The following AGBL4 variants were observed in gnomAD, a reference collection of about 807,000 sequenced individuals.
AGBL4 encodes the protein cytosolic carboxypeptidase 6.
A neutral mutation model predicts 66.4 loss-of-function variants in AGBL4; 58 were observed. The observed-to-expected ratio is 0.87, with a 90% confidence interval of 0.71 to 1.09. The LOEUF is 1.09. Among genes scored for constraint, AGBL4 ranks in the 50% least tolerant of loss-of-function variants. The probability of loss-of-function intolerance (pLI) is 0.00; values close to 1 mark genes in which losing one functional copy is unlikely to be tolerated. For synonymous variants in AGBL4, 234 were observed against 222.9 expected (o/e 1.05, Z -0.44); for missense variants, 579 against 631.0 (o/e 0.92, Z 0.88).
At chr1:49,610,437 A>G (rs1322412442) in intron 3 of AGBL4, among the ~76,000 whole-genome samples, 1 of 152,208 alleles carries the variant, frequency 6.6e-6, no homozygotes, top group Non-Finnish European at 1.5e-5. Context: ...AGAAAGAGAA[A>G]GATTGGCACA....
intron 2 of AGBL4, among the ~76,000 whole-genome samples, chr1:49,787,317 A>C (rs1206101781): frequency 6.6e-6 from 1 of 151,982 alleles, no homozygotes; most frequent in Non-Finnish European, 1.5e-5. Context: ...CCTGGCTAAC[A>C]CGGTAAAACC....
At chr1:49,221,356 C>A (rs549576172) in intron 4 of AGBL4, among the ~76,000 whole-genome samples, 1 of 152,074 alleles carries the variant, frequency 6.6e-6, no homozygotes, top group African/African-American at 2.4e-5. Context: ...GCACTGAAGT[C>A]CTCACTGACA....
intron 4 of AGBL4, among the ~76,000 whole-genome samples, chr1:49,051,942 G>A (rs1221904001): frequency 6.6e-6 from 1 of 152,034 alleles, no homozygotes; most frequent in Non-Finnish European, 1.5e-5. Context: ...GGGCACTCAG[G>A]GTGGGAGGAG....
intron 4 of AGBL4, among the ~76,000 whole-genome samples, chr1:49,151,054 G>A (rs780037466): frequency 6.6e-6 from 1 of 152,002 alleles, no homozygotes; most frequent in South Asian, 2.1e-4. Context: ...GGATCACGAA[G>A]TCAGGAGATC....
At chr1:48,781,275 G>GC (rs764688594) in intron 6 of AGBL4, among the ~76,000 whole-genome samples, 2 of 152,210 alleles carry the variant, frequency 1.3e-5, no homozygotes, top group African/African-American at 2.4e-5. Flanking sequence ...GAGTAGTCAT[G>GC]ACTGGCACGG....
At chr1:49,572,560 C>T (rs1358526802) in intron 3 of AGBL4, among the ~76,000 whole-genome samples, 1 of 151,962 alleles carries the variant, frequency 6.6e-6, no homozygotes, top group South Asian at 2.1e-4. Flanking sequence ...TCATTTTGTT[C>T]TGTTCGTGGT....
At chr1:49,675,089 G>T (rs887019998) in intron 3 of AGBL4, among the ~76,000 whole-genome samples, 5 of 152,108 alleles carry the variant, frequency 3.3e-5, no homozygotes, top group Non-Finnish European at 5.9e-5. Flanking sequence ...TCAGGCCTGA[G>T]ATGTGGAAGA....
At position 49,497,270 on chromosome 1, in the gene AGBL4, C is replaced by T. The variant is rs533729528; in HGVS notation, c.282+200043G>A. On this transcript the variant is annotated intron_variant, in intron 3 of 13. Transcript: ENST00000371839. Reference sequence around the variant, plus strand: ...CCTTACATATTTTGAATATTAACCCCTTATCAGATGTAAAGGTTGAAGATA... The same window carrying T: ...CCTTACATATTTTGAATATTAACCCTTTATCAGATGTAAAGGTTGAAGATA... 4.6e-4 allele frequency among the ~76,000 whole-genome samples: 70 copies of T among 152,024 alleles called. 1 individual carries two copies. Among genetic ancestry groups the T allele is most frequent in the African/African-American group, 1.2e-3 (49 of 41,522 alleles).
intron 3 of AGBL4, among the ~76,000 whole-genome samples, chr1:49,563,904 C>T (rs1214222493): frequency 2.0e-5 from 3 of 152,064 alleles, no homozygotes; most frequent in Non-Finnish European, 4.4e-5. Context: ...CTCCTTGTAC[C>T]TCTGGTAGAA....
At chr1:48,913,658 C>G (rs1451074937) in intron 5 of AGBL4, among the ~76,000 whole-genome samples, 1 of 152,170 alleles carries the variant, frequency 6.6e-6, no homozygotes, top group Non-Finnish European at 1.5e-5. Flanking sequence ...GGAAAACAAG[C>G]TCAGGGCTCC....
At position 48,892,890 on chromosome 1, in the gene AGBL4, C is replaced by A. The variant is rs375209527; in HGVS notation, c.595-25660G>T. Among the ~76,000 whole-genome samples, 13 of 152,194 alleles carry A rather than the reference C, an allele frequency of 8.5e-5. 1 individual carries two copies. In the South Asian group the frequency reaches 1.5e-3, roughly 17 times the overall value. On this transcript the variant is annotated intron_variant, in intron 5 of 13. Coordinates refer to ENST00000371839, the MANE Select transcript of AGBL4 (RefSeq NM_032785.4). ...AAAAGAAAATGAGTTTCTGGTTAGA[C>A]CATCTTTCTAAATAAGGTCGCATAC...
chr1:48,894,471 C>T (rs1339196051), intron 5 of AGBL4, among the ~76,000 whole-genome samples: 1 of 151,990 alleles, frequency 6.6e-6, no homozygotes, highest in Non-Finnish European at 1.5e-5. Flanking sequence ...CTTCAGGGGC[C>T]CCAAATGGAA....
intron 3 of AGBL4, among the ~76,000 whole-genome samples, chr1:49,289,201 G>T (rs1029855131): frequency 5.9e-5 from 9 of 151,930 alleles, no homozygotes; most frequent in Non-Finnish European, 1.0e-4. Context: ...GAAAATTACA[G>T]AATTAAAAAT....
rs1644230968 is a variant in AGBL4, at chr1:48,550,368, A to T, written c.1268-10630T>A. 3.3e-5 allele frequency among the ~76,000 whole-genome samples: 5 copies of T among 152,098 alleles called. No individual in the cohort carries two copies. In the South Asian group the frequency reaches 1.0e-3, roughly 32 times the overall value. On this transcript the variant is annotated intron_variant, in intron 11 of 13. Coordinates refer to ENST00000371839, the MANE Select transcript of AGBL4 (RefSeq NM_032785.4). ...TAGTTGGTTTCTGGTGGCTGTTGGC[A>T]TTCCTTGCTTTGTGATCATATCATT...
At chr1:48,995,784 TAGA>T (rs1354883175) in intron 5 of AGBL4, among the ~76,000 whole-genome samples, 5 of 152,186 alleles carry the variant, frequency 3.3e-5, no homozygotes, top group East Asian at 1.9e-4. Context: ...GGGGAAAAAG[TAGA>T]AGAAGTAGGC....
intron 2 of AGBL4, among the ~76,000 whole-genome samples, chr1:49,818,936 G>C (rs1347596621): frequency 6.6e-6 from 1 of 152,154 alleles, no homozygotes; most frequent in Non-Finnish European, 1.5e-5. Context: ...TGACACAGTG[G>C]AAAGAGTCCA....
chr1:49,982,563 G>A (rs957748053), intron 1 of AGBL4, among the ~76,000 whole-genome samples: 1 of 152,228 alleles, frequency 6.6e-6, no homozygotes, highest in Admixed American at 6.5e-5. Context: ...GCAGAAAGGG[G>A]TGGGTCCCCA....
intron 10 of AGBL4, 28 bp downstream of exon 10, chr1:48,590,805 G>A (rs1213238560): frequency 2.5e-6 from 4 of 1,575,834 alleles, no homozygotes; most frequent in Admixed American, 3.6e-5. Context: ...GGGGGCTGGG[G>A]CTGGCTGAGA....
intron 4 of AGBL4, among the ~76,000 whole-genome samples, chr1:49,174,457 G>C (rs1341787194): frequency 6.6e-6 from 1 of 152,106 alleles, no homozygotes; most frequent in African/African-American, 2.4e-5. Flanking sequence ...ATATTTAGCA[G>C]GTAAGTTCCT....
Sources: allele counts gnomAD v4.1 joint callset (sites outside exome capture counted in the v4.1 genomes callset), GRCh38; gene constraint gnomAD v4.1.1; transcripts MANE v1.5; gene names NCBI Gene and HGNC (gene_info 2026-07-23, HGNC 2026-07-21).